The following ATRN variants were observed in gnomAD, a reference collection of about 807,000 sequenced individuals.
The protein encoded by ATRN is attractin, also known as attractin-2.
A neutral mutation model predicts 178.7 loss-of-function variants in ATRN; 54 were observed. The ratio of observed to expected loss-of-function variants is 0.30; its 90% CI spans 0.24 to 0.38. The LOEUF (loss-of-function observed/expected upper bound fraction) is 0.38, where lower values mean the gene tolerates loss of function less well. ATRN is among the 10% of genes least tolerant of loss of function. ATRN has a pLI of 1.00. For synonymous variants in ATRN, 636 were observed against 663.0 expected (o/e 0.96, Z 0.63); for missense variants, 1,443 against 1,815.1 (o/e 0.79, Z 3.73).
intron 1 of ATRN, among the ~76,000 whole-genome samples, chr20:3,500,554 G>C (rs1055309961): frequency 2.6e-5 from 4 of 151,488 alleles, no homozygotes; most frequent in African/African-American, 9.7e-5. Flanking sequence ...GATGAAATTG[G>C]AAATCATCAT....
intron 14 of ATRN, 123 bp downstream of exon 14, chr20:3,577,120 C>A (rs1272892385): frequency 5.3e-5 from 65 of 1,227,380 alleles, no homozygotes; most frequent in South Asian, 4.4e-4. Flanking sequence ...ATTCATCCCC[C>A]ACACGAGTAT....
rs763441990 is a variant in ATRN at position 3,540,365 on chromosome 20, T to C, written c.608+30T>C. ...GCTCAGTCTTACAAGCCTTCTTTCA[T>C]CGTTTGATTTCTAAATTTAAACATA... On this transcript the variant is annotated intron_variant, in intron 3 of 28. Transcript: ENST00000262919. 4 of 1,359,172 alleles carry C rather than the reference T, an allele frequency of 2.9e-6. No individual in the cohort carries two copies. The South Asian group carries it at 5.0e-5, about 17-fold the overall frequency. 84.2% of individuals were successfully genotyped at this position (1,359,172 alleles called of 1,614,324 possible). A position where few individuals can be genotyped will look rare whatever the true frequency, so the allele number is the denominator to read the frequency against.
chr20:3,608,028 C>A (rs566481845), intron 24 of ATRN, among the ~76,000 whole-genome samples: 127 of 152,114 alleles, frequency 8.3e-4, no homozygotes, highest in Non-Finnish European at 1.3e-3. Flanking sequence ...TTGGACAAAT[C>A]TCTATTCAGA....
intron 25 of ATRN, among the ~76,000 whole-genome samples, chr20:3,631,030 A>G (rs2086986537): frequency 7.3e-6 from 1 of 137,302 alleles, no homozygotes; most frequent in Non-Finnish European, 1.5e-5. Context: ...GCAGCCTCAA[A>G]CTCCTGAGCT....
intron 1 of ATRN, among the ~76,000 whole-genome samples, chr20:3,518,700 A>G (rs937943250): frequency 6.6e-6 from 1 of 152,054 alleles, no homozygotes; most frequent in African/African-American, 2.4e-5. Context: ...ATCCTGTTTC[A>G]TCTGTACTCC....
At chr20:3,512,107 A>ATATATATATT in intron 1 of ATRN, among the ~76,000 whole-genome samples, 4 of 106,400 alleles carry the variant, frequency 3.8e-5, no homozygotes, top group African/African-American at 1.8e-4. Flanking sequence ...ATATATATAT[A>ATATATATATT]TTTTTTTTTT....
intron 24 of ATRN, among the ~76,000 whole-genome samples, chr20:3,615,129 T>C (rs778387431): frequency 2.4e-4 from 37 of 152,162 alleles, no homozygotes; most frequent in Non-Finnish European, 4.6e-4. Flanking sequence ...CTGGTGTTAA[T>C]TGTCTGTATC....
chr20:3,484,743 T>C (rs1248586221), intron 1 of ATRN, among the ~76,000 whole-genome samples: 1 of 144,468 alleles, frequency 6.9e-6, no homozygotes, highest in Non-Finnish European at 1.5e-5. Flanking sequence ...CGCATCCTTC[T>C]GGAAAGATGC....
chr20:3,479,405 G>A (rs2084585363), intron 1 of ATRN, among the ~76,000 whole-genome samples: 1 of 152,164 alleles, frequency 6.6e-6, no homozygotes, highest in South Asian at 2.1e-4. Flanking sequence ...AATATGTGGT[G>A]CTGGACTAAG....
chr20:3,608,549 T>G (rs1428780194), intron 24 of ATRN, among the ~76,000 whole-genome samples: 1 of 152,228 alleles, frequency 6.6e-6, no homozygotes. Context: ...AGTTCTTTAT[T>G]TTGTTCCACT....
At chr20:3,629,769 TAC>T (rs989932800) in intron 25 of ATRN, among the ~76,000 whole-genome samples, 31 of 152,298 alleles carry the variant, frequency 2.0e-4, no homozygotes, top group African/African-American at 7.5e-4. Context: ...TACGTAGAAT[TAC>T]AGTTTTATTA....
At chr20:3,490,121 C>T in intron 1 of ATRN, 1 of 1,477,812 alleles carries the variant, frequency 6.8e-7, no homozygotes, top group Non-Finnish European at 9.4e-7. Flanking sequence ...TTTTGGCAAA[C>T]AAAGAGTTAT....
At chr20:3,562,062 T>C (rs539445991) in intron 8 of ATRN, among the ~76,000 whole-genome samples, 1 of 152,324 alleles carries the variant, frequency 6.6e-6, no homozygotes, top group South Asian at 2.1e-4. Flanking sequence ...TTTTCCTACA[T>C]GGCATATTAG....
At chr20:3,561,760 T>C (rs235576) in intron 8 of ATRN, among the ~76,000 whole-genome samples, 128,595 of 152,208 alleles carry the variant, frequency 0.84, 54,612 homozygotes, top group East Asian at 1. Context: ...CAGGCTCTTG[T>C]TCTCTCACAC....
chr20:3,546,469 G>A (rs970723002), intron 4 of ATRN, among the ~76,000 whole-genome samples: 2 of 140,456 alleles, frequency 1.4e-5, no homozygotes, highest in African/African-American at 5.3e-5. Context: ...TCGGATCACT[G>A]CAACCTCCAC....
intron 6 of ATRN, among the ~76,000 whole-genome samples, chr20:3,550,093 T>C (rs926015406): frequency 4.6e-5 from 7 of 152,336 alleles, no homozygotes; most frequent in Admixed American, 4.6e-4. Context: ...TTTCAGAGGC[T>C]GAGGCTGGCG....
At chr20:3,646,587 T>C (rs1311320821) in intron 28 of ATRN, 136 bp from the exon 29 acceptor site, 1 of 1,261,974 alleles carries the variant, frequency 7.9e-7, no homozygotes, top group Non-Finnish European at 1.1e-6. Flanking sequence ...TGTACCTTTT[T>C]GGGGGTTTTT....
chr20:3,633,090 G>T lies in ATRN; in HGVS notation c.3864-1221G>T, dbSNP rs1045352437. Among the ~76,000 whole-genome samples the T allele has an allele frequency of 9.9e-5, 15 of 152,242 alleles. No individual in the cohort carries two copies. In the South Asian group the frequency reaches 2.9e-3, roughly 29 times the overall value. ...GCAGAGGTTGCAGTGAGCTGAGATC[G>T]TGCCACTGCACTCCAGCCTGGGTGA... On this transcript the variant is annotated intron_variant, in intron 25 of 28. Coordinates refer to ENST00000262919, the MANE Select transcript of ATRN (RefSeq NM_139321.3).
rs779673305 is a variant in ATRN, at chr20:3,569,684, G to A, written c.1872-3047G>A. On this transcript the variant is annotated intron_variant, in intron 11 of 28. Transcript: ENST00000262919. ...CCATCATTGATGGAAACATCGTTAT[G>A]CAGGACCACATACATGACTATAATG... Among the ~76,000 whole-genome samples the A allele has an allele frequency of 5.3e-5, 8 of 152,108 alleles. No individual in the cohort carries two copies. The East Asian group carries it at 1.2e-3, about 22-fold the overall frequency.
Sources: allele counts gnomAD v4.1 joint callset (sites outside exome capture counted in the v4.1 genomes callset), GRCh38; gene constraint gnomAD v4.1.1; transcripts MANE v1.5; gene names NCBI Gene and HGNC (gene_info 2026-07-23, HGNC 2026-07-21).